Variants in BCL9 observed in about 807,000 individuals in gnomAD.
BCL9 encodes BCL9 transcription coactivator.
In BCL9, 25 loss-of-function variants were observed where a neutral mutation model predicts 88.5. That is an observed-to-expected ratio of 0.28 (90% CI 0.21 to 0.39). The LOEUF (loss-of-function observed/expected upper bound fraction) is 0.39, where lower values mean the gene tolerates loss of function less well. BCL9 is among the 10% of genes least tolerant of loss of function. BCL9 has a pLI of 1.00. For synonymous variants in BCL9, 711 were observed against 673.3 expected, an observed-to-expected ratio of 1.06 and a Z score of -0.87; for missense variants, 1,817 against 1,877.8, an observed-to-expected ratio of 0.97 and a Z score of 0.60.
intron 1 of BCL9, among the ~76,000 whole-genome samples, chr1:147,542,262 G>T (rs909016870): frequency 1.3e-5 from 2 of 152,218 alleles, no homozygotes; most frequent in African/African-American, 2.4e-5. Flanking sequence ...AGGAGGAGCG[G>T]CATGGCAGGC....
rs587663585 is a variant in BCL9, at chr1:147,621,850, A to G, written c.2903-421A>G. 2.9e-4 allele frequency among the ~76,000 whole-genome samples: 44 copies of G among 152,274 alleles called. 1 individual carries two copies. The highest frequency in any genetic ancestry group is 1.1e-3 in the African/African-American group (44 of 41,552). ...ATTAATCAAGAATGCGTGTAGGGTG[A>G]TGTCGTTAGTACCTGGGATCATATC... On this transcript the variant is annotated intron_variant, in intron 8 of 9. Coordinates refer to ENST00000234739, the MANE Select transcript of BCL9 (RefSeq NM_004326.4).
chr1:147,581,265 G>C (rs1234722471), intron 1 of BCL9, among the ~76,000 whole-genome samples: 1 of 152,156 alleles, frequency 6.6e-6, no homozygotes, highest in Non-Finnish European at 1.5e-5. Flanking sequence ...ATATCAACTA[G>C]CAAACAGTAA....
chr1:147,595,367 G>C (rs1271948401), intron 1 of BCL9, among the ~76,000 whole-genome samples: 2 of 152,192 alleles, frequency 1.3e-5, no homozygotes, highest in Non-Finnish European at 2.9e-5. Flanking sequence ...GAAATAGTTG[G>C]GTAGTAATTC....
At chr1:147,545,323 C>A (rs1049136681) in intron 1 of BCL9, among the ~76,000 whole-genome samples, 1 of 152,052 alleles carries the variant, frequency 6.6e-6, no homozygotes, top group African/African-American at 2.4e-5. Flanking sequence ...TCACTTCCGA[C>A]ATACTCTCCC....
Position 147,619,470 on chromosome 1 carries a change from C to T in BCL9, c.1315C>T (p.Pro439Ser). ...PFGPQGHRDV[P>S]FSPDEMVPPS... is the part of the protein sequence containing the mutation. The stretch of plus-strand genomic sequence containing the variant: ...TGGCCCTCAAGGACATAGAGATGTA[C>T]CCTTTTCTCCAGATGAAATGGTTCC... Residue 439 changes from proline (P) to serine (S), a missense_variant, in exon 8 of 10, where the codon CCC (proline) becomes TCC (serine). Physicochemically the swap from Pro to Ser is moderately conservative, Grantham distance 74. Around this residue, in one of 2 missense-constraint regions of BCL9, gnomAD observed 1,228 missense variants for 1,191.6 expected, o/e 1.03. Transcript: ENST00000234739. This position sits in a 1 kb window ranked among gnomAD's most constrained non-coding sequence, Gnocchi z 4.1. 6.2e-7 allele frequency: 1 copy of T among 1,614,094 alleles called. No homozygotes were observed. The highest frequency in any genetic ancestry group is 1.1e-5 in the South Asian group (1 of 91,064).
chr1:147,620,453 A>G lies in BCL9; in HGVS notation c.2298A>G (p.Pro766=), dbSNP rs369043753. 52 of 1,614,064 alleles carry G rather than the reference A, an allele frequency of 3.2e-5. 1 individual carries two copies. The African/African-American group carries it at 5.6e-4, about 17-fold the overall frequency. The change falls in exon 8 of 10, where the codon CCA becomes CCG. Residue 766 remains proline (P), a synonymous_variant. Coordinates refer to ENST00000234739, the MANE Select transcript of BCL9 (RefSeq NM_004326.4). Reference sequence around the variant, plus strand: ...TGCCTGCTCAGCAGAAGATGGTGCCACTGCCATTTGGTGAGCACCCCCAGC... The same window carrying G: ...TGCCTGCTCAGCAGAAGATGGTGCCGCTGCCATTTGGTGAGCACCCCCAGC... The part of the protein sequence containing the change: ...DMLPAQQKMV[P]LPFGEHPQQE...
chr1:147,607,913 G>C (rs1657804229), intron 3 of BCL9, among the ~76,000 whole-genome samples: 1 of 152,196 alleles, frequency 6.6e-6, no homozygotes, highest in Non-Finnish European at 1.5e-5. Flanking sequence ...TTTGGGAGTT[G>C]TTGGCATGGA....
At chr1:147,585,946 T>C (rs183817401) in intron 1 of BCL9, among the ~76,000 whole-genome samples, 1 of 152,140 alleles carries the variant, frequency 6.6e-6, no homozygotes, top group Non-Finnish European at 1.5e-5. Flanking sequence ...CTCAACAAAA[T>C]GGTGATAAAT....
intron 1 of BCL9, among the ~76,000 whole-genome samples, chr1:147,584,452 A>G (rs1318287506): frequency 1.3e-5 from 2 of 152,022 alleles, no homozygotes; most frequent in African/African-American, 4.8e-5. Flanking sequence ...TGAGATGAGG[A>G]TCTTAAATTT....
intron 1 of BCL9, among the ~76,000 whole-genome samples, chr1:147,544,990 G>C (rs1412668845): frequency 6.6e-6 from 1 of 152,090 alleles, no homozygotes; most frequent in East Asian, 1.9e-4. Context: ...TCAGTGGAGT[G>C]TTGTCTTCAG....
At chr1:147,587,553 A>G (rs587770723) in intron 1 of BCL9, among the ~76,000 whole-genome samples, 20 of 152,254 alleles carry the variant, frequency 1.3e-4, no homozygotes, top group Admixed American at 5.9e-4. Flanking sequence ...CTCCTTAACC[A>G]TGGCAGGAGG....
At chr1:147,563,994 G>T (rs924070721) in intron 1 of BCL9, among the ~76,000 whole-genome samples, 1 of 152,192 alleles carries the variant, frequency 6.6e-6, no homozygotes, top group East Asian at 1.9e-4. Context: ...TAACTCCAAA[G>T]CTGGCTTGTT....
rs781931553 is a variant in BCL9, at chr1:147,619,420, C to T, written c.1265C>T (p.Pro422Leu). 7 of 1,614,060 alleles carry T rather than the reference C, an allele frequency of 4.3e-6. No homozygotes were observed. Among genetic ancestry groups the T allele is most frequent in the Non-Finnish European group, 5.9e-6 (7 of 1,180,016 alleles). ...CAAAGCCTAGGTAAGGGACCTGGGC[C>T]CCGGACAGACGTGGGAGCTCCATTT... The part of the protein sequence containing the change: ...QSQSLGKGPG[P>L]RTDVGAPFGP... Residue 422 changes from proline (P) to leucine (L), a missense_variant, in exon 8 of 10, where the codon CCC becomes CTC. Physicochemically the swap from Pro to Leu is moderately conservative, Grantham distance 98 (BLOSUM62 -3). Around this residue, in one of 2 missense-constraint regions of BCL9, gnomAD observed 1,228 missense variants for 1,191.6 expected, o/e 1.03. Coordinates refer to ENST00000234739, the MANE Select transcript of BCL9 (RefSeq NM_004326.4). This position sits in a 1 kb window ranked among gnomAD's most constrained non-coding sequence, Gnocchi z 4.1.
chr1:147,550,657 C>T (rs1553194719), intron 1 of BCL9, among the ~76,000 whole-genome samples: 1 of 152,206 alleles, frequency 6.6e-6, no homozygotes, highest in African/African-American at 2.4e-5. Flanking sequence ...AAGCATTAAA[C>T]TCCATAGGGA....
At chr1:147,605,992 T>C (rs71620823) in intron 2 of BCL9, among the ~76,000 whole-genome samples, 1,830 of 152,338 alleles carry the variant, frequency 0.012, 28 homozygotes, top group Middle Eastern at 0.031. Flanking sequence ...TTTAACAACT[T>C]AATGGCATGC....
At position 147,601,417 on chromosome 1, in the gene BCL9, ATTAG is replaced by A. The variant is rs1161278331; in HGVS notation, c.-477-3355_-477-3352del. Among the ~76,000 whole-genome samples, 4 of 152,232 alleles carry A rather than the reference ATTAG, an allele frequency of 2.6e-5. No homozygotes were observed. The South Asian group carries it at 6.2e-4, about 24-fold the overall frequency. ...TTTGGTCAATGATGGGTATTGGAGT[ATTAG>A]TTAGCACTTGATATATTCAGGAATT... On this transcript the variant is annotated intron_variant, in intron 1 of 9. Transcript: ENST00000234739.
At chr1:147,604,223 G>A (rs1657538620) in intron 1 of BCL9, among the ~76,000 whole-genome samples, 1 of 152,192 alleles carries the variant, frequency 6.6e-6, no homozygotes, top group Admixed American at 6.5e-5. Context: ...TTCCCCAGGA[G>A]GTTCACAAAC....
chr1:147,587,984 G>C (rs903001054), intron 1 of BCL9, among the ~76,000 whole-genome samples: 2 of 152,126 alleles, frequency 1.3e-5, no homozygotes, highest in African/African-American at 4.8e-5. Flanking sequence ...TATTAAAAAC[G>C]TCAAGTTTGT....
intron 1 of BCL9, among the ~76,000 whole-genome samples, chr1:147,574,171 C>T (rs1656010780): frequency 6.6e-6 from 1 of 152,136 alleles, no homozygotes; most frequent in South Asian, 2.1e-4. Context: ...TCACTCTATC[C>T]TGTGATGACT....
Sources: gnomAD v4.1 joint callset for allele counts (sites outside exome capture counted in the v4.1 genomes callset) on GRCh38, gnomAD v4.1.1 for gene constraint, gnomAD v4.1.1 regional missense constraint, Gnocchi (gnomAD v3.1) non-coding constraint, MANE v1.5 for transcripts, NCBI Gene and HGNC (gene_info 2026-07-23, HGNC 2026-07-21) for gene names.